WDR41: variants seen among roughly 807,000 people sequenced by gnomAD.
WDR41 encodes WD repeat domain 41, also known as WD repeat-containing protein 41.
WDR41 carries 63 observed loss-of-function variants against 69.3 expected under a neutral mutation model. The observed-to-expected ratio is 0.91, with a 90% CI of 0.74 to 1.12. The LOEUF is 1.12. Among genes scored for constraint, WDR41 ranks in the 50% most tolerant of loss-of-function variants. The pLI, the probability that WDR41 is intolerant of heterozygous loss-of-function variation, is 0.00. For missense variants in WDR41, 543 were observed against 534.5 expected, an observed-to-expected ratio of 1.02 and a Z score of -0.16; for synonymous variants, 185 against 192.1, an observed-to-expected ratio of 0.96 and a Z score of 0.31.
chr5:77,473,465 G>A (rs946603667), intron 2 of WDR41, among the ~76,000 whole-genome samples: 10 of 152,180 alleles, frequency 6.6e-5, no homozygotes, highest in Admixed American at 6.5e-4. Flanking sequence ...AAACTAAAGA[G>A]CTTCTGCAAA....
At chr5:77,532,546 C>T (rs1393316962) in intron 1 of WDR41, among the ~76,000 whole-genome samples, 1 of 151,970 alleles carries the variant, frequency 6.6e-6, no homozygotes, top group East Asian at 1.9e-4. Context: ...CTTTTGGAAA[C>T]TCAAATGTTT....
intron 1 of WDR41, among the ~76,000 whole-genome samples, chr5:77,516,052 A>C (rs1206790479): frequency 6.6e-6 from 1 of 152,226 alleles, no homozygotes; most frequent in Non-Finnish European, 1.5e-5. Context: ...ATCAAAAGGC[A>C]AATATCTTAT....
rs950641977 is a variant in WDR41, at chr5:77,474,177, T to C, written c.168-9368A>G. On this transcript the variant is annotated intron_variant, in intron 2 of 12. Coordinates refer to ENST00000296679, the MANE Select transcript of WDR41 (RefSeq NM_018268.4). ...GGAAACCATCATTCTCAGCAAACTA[T>C]GGCAAGGACAAAAAACCAAACACCG... is the stretch of plus-strand genomic sequence containing the variant. 3.3e-5 allele frequency among the ~76,000 whole-genome samples: 5 copies of C among 151,862 alleles called. No individual in the cohort carries two copies. In the East Asian group the frequency reaches 7.7e-4, roughly 23 times the overall value.
At chr5:77,537,496 G>A (rs1423781655) in intron 1 of WDR41, among the ~76,000 whole-genome samples, 1 of 152,208 alleles carries the variant, frequency 6.6e-6, no homozygotes, top group East Asian at 1.9e-4. Flanking sequence ...TGATTAGACA[G>A]TTTGAATAAT....
intron 1 of WDR41, among the ~76,000 whole-genome samples, chr5:77,608,826 G>A (rs919404683): frequency 7.9e-5 from 12 of 152,240 alleles, no homozygotes; most frequent in South Asian, 4.1e-4. Context: ...GCAGTGCACC[G>A]TGCGCAAGCC....
intron 2 of WDR41, among the ~76,000 whole-genome samples, chr5:77,485,748 AAAG>A (rs1561199090): frequency 6.6e-6 from 1 of 152,204 alleles, no homozygotes; most frequent in Non-Finnish European, 1.5e-5. Flanking sequence ...AAAAAATACT[AAAG>A]AAGAAAAGAA....
chr5:77,552,477 T>C (rs1006956184), intron 1 of WDR41, among the ~76,000 whole-genome samples: 3 of 152,232 alleles, frequency 2.0e-5, no homozygotes, highest in Non-Finnish European at 2.9e-5. Context: ...AATTGGTCTA[T>C]AGTTTAGTGT....
chr5:77,475,569 C>T (rs1800876977), intron 2 of WDR41, among the ~76,000 whole-genome samples: 1 of 152,096 alleles, frequency 6.6e-6, no homozygotes, highest in African/African-American at 2.4e-5. Context: ...AGACTGACAC[C>T]TCACACGGCC....
intron 3 of WDR41, among the ~76,000 whole-genome samples, chr5:77,463,514 C>A (rs1800161385): frequency 6.6e-6 from 1 of 151,814 alleles, no homozygotes; most frequent in African/African-American, 2.4e-5. Flanking sequence ...GTAAATTAAG[C>A]ATAAAAACAT....
intron 1 of WDR41, among the ~76,000 whole-genome samples, chr5:77,572,096 G>A (rs1360787869): frequency 1.3e-5 from 2 of 152,062 alleles, no homozygotes; most frequent in Non-Finnish European, 1.5e-5. Flanking sequence ...AGGGAGTTAG[G>A]AAGATAGGCT....
chr5:77,514,066 G>A (rs1802250978), intron 1 of WDR41, among the ~76,000 whole-genome samples: 1 of 152,064 alleles, frequency 6.6e-6, no homozygotes, highest in Non-Finnish European at 1.5e-5. Context: ...GAAAAAAACA[G>A]CATTTCTTTA....
At chr5:77,464,946 T>TAAA (rs978634322) in intron 2 of WDR41, 137 bp from the exon 3 acceptor site, 18 of 849,476 alleles carry the variant, frequency 2.1e-5, no homozygotes, top group Non-Finnish European at 3.0e-5. Flanking sequence ...ATTTAAAAAA[T>TAAA]ATTTATGAAA....
rs1800147395 is a variant in WDR41 at position 77,463,175 on chromosome 5, T to C, written c.268A>G (p.Ile90Val). 1.9e-6 allele frequency: 3 copies of C among 1,612,660 alleles called. No individual in the cohort carries two copies. Among genetic ancestry groups the C allele is most frequent in the African/African-American group, 2.7e-5 (2 of 74,864 alleles). Residue 90 changes from isoleucine (I) to valine (V), a missense_variant, in exon 4 of 13, where the codon ATT (isoleucine) becomes GTT (valine). Ile to Val is a conservative substitution (Grantham distance 29). Transcript: ENST00000296679. ...GATTCCAAGGAAGGAAATGTAATAATAGCTGTTATCTTTTGAGTGTGTCCA... is the reference window on the plus strand; with the variant it reads ...GATTCCAAGGAAGGAAATGTAATAACAGCTGTTATCTTTTGAGTGTGTCCA... ...LNGHTQKITA[I>V]ITFPSLESCE...
chr5:77,433,553 C>A (rs335630), intron 12 of WDR41, among the ~76,000 whole-genome samples: 113,636 of 152,076 alleles, frequency 0.75, 43,217 homozygotes, highest in African/African-American at 0.89. Flanking sequence ...ATTTTTTCAT[C>A]ATCTGATTTT....
intron 1 of WDR41, among the ~76,000 whole-genome samples, chr5:77,590,120 T>A (rs372706364): frequency 6.6e-5 from 10 of 152,196 alleles, no homozygotes; most frequent in African/African-American, 2.2e-4. Flanking sequence ...ATTTTATTAA[T>A]GTGAATTTTA....
intron 1 of WDR41, among the ~76,000 whole-genome samples, chr5:77,541,633 T>A (rs564096246): frequency 6.6e-6 from 1 of 151,832 alleles, no homozygotes; most frequent in Non-Finnish European, 1.5e-5. Context: ...GCTGGAATTA[T>A]AGGCATCCAC....
At chr5:77,446,755 C>T (rs1334329438) in intron 8 of WDR41, among the ~76,000 whole-genome samples, 4 of 152,294 alleles carry the variant, frequency 2.6e-5, no homozygotes, top group East Asian at 1.9e-4. Flanking sequence ...CCCTTCCTTA[C>T]ACCTTATACA....
chr5:77,458,817 G>T, intron 5 of WDR41: 2 of 321,492 alleles, frequency 6.2e-6, no homozygotes, highest in East Asian at 5.2e-5. Flanking sequence ...AAACATACCA[G>T]GTACTACCTT....
intron 1 of WDR41, among the ~76,000 whole-genome samples, chr5:77,587,480 C>T (rs1580031352): frequency 1.3e-5 from 2 of 152,306 alleles, no homozygotes; most frequent in African/African-American, 4.8e-5. Flanking sequence ...CGACAGTTCC[C>T]ATCTCCACTT....
Sources: allele counts gnomAD v4.1 joint callset (sites outside exome capture counted in the v4.1 genomes callset), GRCh38; gene constraint gnomAD v4.1.1; transcripts MANE v1.5; gene names NCBI Gene and HGNC (gene_info 2026-07-23, HGNC 2026-07-21).